The following PPP2R2A variants were observed in gnomAD, a reference collection of about 807,000 sequenced individuals.
PPP2R2A encodes serine/threonine-protein phosphatase 2A 55 kDa regulatory subunit B alpha isoform.
In PPP2R2A, 9 loss-of-function variants were observed where a neutral mutation model predicts 53.2. The observed-to-expected ratio is 0.17, with a 90% CI of 0.10 to 0.30. The LOEUF (loss-of-function observed/expected upper bound fraction) is 0.30, where lower values mean the gene tolerates loss of function less well. Ranked by LOEUF, PPP2R2A falls within the 10% of genes least tolerant of loss-of-function variation. The pLI, the probability that PPP2R2A is intolerant of heterozygous loss-of-function variation, is 1.00. For missense variants in PPP2R2A, 235 were observed against 534.6 expected (o/e 0.44, Z 5.53); for synonymous variants, 169 against 174.2 (o/e 0.97, Z 0.23).
chr8:26,317,445 T>C (rs971792604), intron 2 of PPP2R2A, among the ~76,000 whole-genome samples: 1 of 152,236 alleles, frequency 6.6e-6, no homozygotes, highest in African/African-American at 2.4e-5. Context: ...TCTGTGATTT[T>C]CATTCTTAGC....
intron 3 of PPP2R2A, among the ~76,000 whole-genome samples, chr8:26,342,145 CTG>C (rs1359579899): frequency 6.6e-6 from 1 of 152,158 alleles, no homozygotes; most frequent in Non-Finnish European, 1.5e-5. Context: ...CACGGAATCT[CTG>C]TTGTAGAATC....
chr8:26,330,760 C>T (rs1414258649), intron 2 of PPP2R2A, among the ~76,000 whole-genome samples: 2 of 152,062 alleles, frequency 1.3e-5, no homozygotes, highest in East Asian at 3.8e-4. Flanking sequence ...TTGTATTTTC[C>T]TGCCTGTTTA....
intron 2 of PPP2R2A, among the ~76,000 whole-genome samples, chr8:26,331,234 C>CT (rs1383107344): frequency 6.6e-6 from 1 of 152,178 alleles, no homozygotes; most frequent in Non-Finnish European, 1.5e-5. Flanking sequence ...GAATCACTTT[C>CT]TTTTCCTTTC....
intron 2 of PPP2R2A, among the ~76,000 whole-genome samples, chr8:26,327,968 T>C (rs1421116638): frequency 6.6e-6 from 1 of 152,188 alleles, no homozygotes; most frequent in South Asian, 2.1e-4. Flanking sequence ...GACCTTTGAA[T>C]TGAACAGAGG....
At position 26,371,127 on chromosome 8, in the gene PPP2R2A, T is replaced by C. The variant is rs1337130903; in HGVS notation, c.*714T>C. ...ACTACTGAATAAAAGTGACAAAGAA[T>C]GGAGAATCTGGTTTTCTTTTTCTTT... On this transcript the variant is annotated 3_prime_UTR_variant, in exon 10 of 10. Transcript: ENST00000380737. The C allele has an allele frequency of 6.6e-6, 1 of 152,426 alleles. No individual in the cohort carries two copies. The highest frequency in any genetic ancestry group is 1.5e-5 in the Non-Finnish European group (1 of 68,024). The allele number at this position is 152,426 out of a possible 1,614,324, so 9.4% of individuals were successfully genotyped here. A position where few individuals can be genotyped will look rare whatever the true frequency, so the allele number is the denominator to read the frequency against.
chr8:26,367,571 G>A (rs1316695356), intron 9 of PPP2R2A, among the ~76,000 whole-genome samples: 3 of 152,114 alleles, frequency 2.0e-5, no homozygotes, highest in African/African-American at 4.8e-5. Context: ...GCTGTATCAC[G>A]TGTTCTATTC....
At position 26,337,210 on chromosome 8, in the gene PPP2R2A, C is replaced by T. The variant is rs544017851; in HGVS notation, c.83-1680C>T. Among the ~76,000 whole-genome samples the T allele has an allele frequency of 1.1e-3, 174 of 152,136 alleles. 1 individual carries two copies. The highest frequency in any genetic ancestry group is 3.9e-3 in the Admixed American group (59 of 15,280). ...ATCAAAGATAGGTATTTTGGTACAGCAAGATTTCATATTCAAATTAACTAG... is the reference window on the plus strand; with the variant it reads ...ATCAAAGATAGGTATTTTGGTACAGTAAGATTTCATATTCAAATTAACTAG... On this transcript the variant is annotated intron_variant, in intron 2 of 9. Coordinates refer to ENST00000380737, the MANE Select transcript of PPP2R2A (RefSeq NM_002717.4).
rs746820127 is a variant in PPP2R2A, at chr8:26,370,314, C to A, written c.1245C>A (p.Phe415Leu). ...KDEISVDSLD[F>L]NKKILHTAWH... Reference sequence around the variant, plus strand: ...AAATAAGTGTTGACAGCCTAGACTTCAATAAGAAAATCCTTCACACAGCCT... The same window carrying A: ...AAATAAGTGTTGACAGCCTAGACTTAAATAAGAAAATCCTTCACACAGCCT... The change falls in exon 10 of 10, where the codon TTC (phenylalanine) becomes TTA (leucine). Residue 415 changes from phenylalanine to leucine, a missense_variant. This residue lies in a region of PPP2R2A where 181 missense variants were observed against 409.9 expected (regional missense o/e 0.44). Coordinates refer to ENST00000380737, the MANE Select transcript of PPP2R2A (RefSeq NM_002717.4). The surrounding 1 kb of genome is among the most constrained non-coding windows in gnomAD (Gnocchi z 6.1). 11 of 1,613,992 alleles carry A rather than the reference C, an allele frequency of 6.8e-6. No homozygotes were observed. The South Asian group carries it at 1.1e-4, about 16-fold the overall frequency.
At chr8:26,312,923 A>G (rs1433837532) in intron 2 of PPP2R2A, among the ~76,000 whole-genome samples, 1 of 152,120 alleles carries the variant, frequency 6.6e-6, no homozygotes, top group Non-Finnish European at 1.5e-5. Context: ...TCCATATTTC[A>G]AAATACTTAC....
At chr8:26,363,350 G>T (rs1805214309) in intron 7 of PPP2R2A, 1 of 175,172 alleles carries the variant, frequency 5.7e-6, no homozygotes, top group East Asian at 1.5e-4. Context: ...ATAAGATCCT[G>T]GTATGAATTT....
intron 2 of PPP2R2A, among the ~76,000 whole-genome samples, chr8:26,297,103 C>T (rs549045229): frequency 6.6e-6 from 1 of 151,980 alleles, no homozygotes; most frequent in Non-Finnish European, 1.5e-5. Flanking sequence ...TAAAAACAGC[C>T]CAAATTCTTT....
intron 2 of PPP2R2A, among the ~76,000 whole-genome samples, chr8:26,320,328 C>T (rs958129936): frequency 3.3e-5 from 5 of 152,162 alleles, no homozygotes; most frequent in African/African-American, 1.2e-4. Flanking sequence ...AAATACGTTG[C>T]TGCCTGATTC....
chr8:26,307,964 A>G (rs1802099346), intron 2 of PPP2R2A, among the ~76,000 whole-genome samples: 1 of 152,268 alleles, frequency 6.6e-6, no homozygotes, highest in Non-Finnish European at 1.5e-5. Context: ...TACGTCAGAA[A>G]TATTGCTGCT....
rs562744569 is a variant in PPP2R2A at position 26,335,576 on chromosome 8, T to C, written c.83-3314T>C. ...CTATTCAGATAAAAAGTGACTTGGT[T>C]GGCTGTTTCTGAAACTTTCTGTTTA... On this transcript the variant is annotated intron_variant, in intron 2 of 9. Transcript: ENST00000380737. 1.9e-4 allele frequency among the ~76,000 whole-genome samples: 29 copies of C among 152,328 alleles called. 1 individual carries two copies. In the South Asian group the frequency reaches 3.5e-3, roughly 18 times the overall value.
Position 26,291,701 on chromosome 8 carries a change from C to G in PPP2R2A, c.-119C>G. 2 of 793,632 alleles carry G rather than the reference C, an allele frequency of 2.5e-6. No individual in the cohort carries two copies. Among genetic ancestry groups the G allele is most frequent in the Non-Finnish European group, 4.0e-6 (2 of 502,604 alleles). The allele number at this position is 793,632 out of a possible 1,614,324, so 49.2% of individuals were successfully genotyped here. On this transcript the variant is annotated 5_prime_UTR_variant, in exon 1 of 10. Transcript: ENST00000380737. The stretch of plus-strand genomic sequence containing the variant: ...TTCCCCCCGGCCCCCGTCCCCTCCC[C>G]CCGCAGGTGCCATCCGCCGCCATCC...
chr8:26,358,560 T>A (rs921177781), intron 4 of PPP2R2A, among the ~76,000 whole-genome samples: 1 of 152,166 alleles, frequency 6.6e-6, no homozygotes, highest in Non-Finnish European at 1.5e-5. Context: ...AGGGCATCCT[T>A]AGGGGCAACT....
At chr8:26,299,929 A>G (rs1397606405) in intron 2 of PPP2R2A, among the ~76,000 whole-genome samples, 6 of 152,172 alleles carry the variant, frequency 3.9e-5, no homozygotes, top group Non-Finnish European at 8.8e-5. Flanking sequence ...TAATATCCTT[A>G]CCTTGTATGA....
intron 9 of PPP2R2A, 66 bp downstream of exon 9, chr8:26,366,472 G>A: frequency 2.4e-6 from 3 of 1,256,054 alleles, no homozygotes; most frequent in Non-Finnish European, 3.3e-6. Context: ...TTCATTCCAG[G>A]TCCTAACTTC....
intron 3 of PPP2R2A, among the ~76,000 whole-genome samples, chr8:26,351,590 C>G (rs1055226584): frequency 6.6e-6 from 1 of 152,160 alleles, no homozygotes; most frequent in Non-Finnish European, 1.5e-5. Context: ...ATTTATATCT[C>G]TTATTCATCT....
Sources: gnomAD v4.1 joint callset for allele counts (sites outside exome capture counted in the v4.1 genomes callset) on GRCh38, gnomAD v4.1.1 for gene constraint, gnomAD v4.1.1 regional missense constraint, Gnocchi (gnomAD v3.1) non-coding constraint, MANE v1.5 for transcripts, NCBI Gene and HGNC (gene_info 2026-07-23, HGNC 2026-07-21) for gene names.